The following TDRD9 variants were observed in gnomAD, a reference collection of about 807,000 sequenced individuals.
The protein encoded by TDRD9 is ATP-dependent RNA helicase TDRD9.
A neutral mutation model predicts 172.6 loss-of-function variants in TDRD9; 124 were observed. The observed-to-expected ratio is 0.72, with a 90% CI of 0.62 to 0.83. The LOEUF (loss-of-function observed/expected upper bound fraction) is 0.83. TDRD9 is among the 40% of genes least tolerant of loss of function. The pLI, the probability that TDRD9 is intolerant of heterozygous loss-of-function variation, is 0.00. For synonymous variants in TDRD9, 619 were observed against 617.1 expected (o/e 1.00, Z -0.05); for missense variants, 1,479 against 1,714.1 (o/e 0.86, Z 2.42).
At chr14:104,035,484 T>C (rs1412011675) in intron 32 of TDRD9, among the ~76,000 whole-genome samples, 2 of 152,156 alleles carry the variant, frequency 1.3e-5, no homozygotes, top group African/African-American at 4.8e-5. Flanking sequence ...GCCCAGCAGA[T>C]TGTAGCTCTT....
intron 12 of TDRD9, among the ~76,000 whole-genome samples, chr14:103,998,069 G>A (rs1010180109): frequency 1.3e-5 from 2 of 152,054 alleles, no homozygotes; most frequent in African/African-American, 4.8e-5. Flanking sequence ...GAAAGGTGTG[G>A]TGGAGGGGAG....
chr14:103,947,860 A>G (rs1189345334), intron 1 of TDRD9, among the ~76,000 whole-genome samples: 2 of 152,234 alleles, frequency 1.3e-5, no homozygotes, highest in African/African-American at 2.4e-5. Context: ...ACAAAAGAAG[A>G]AAGACAAATT....
intron 1 of TDRD9, among the ~76,000 whole-genome samples, chr14:103,952,238 T>A (rs1437508476): frequency 4.0e-4 from 26 of 65,536 alleles, no homozygotes; most frequent in South Asian, 1.1e-3. Context: ...TTTTTTTTTT[T>A]TTTTTTTTTT....
intron 11 of TDRD9, among the ~76,000 whole-genome samples, chr14:103,995,228 T>C (rs868597194): frequency 6.6e-6 from 1 of 152,234 alleles, no homozygotes; most frequent in African/African-American, 2.4e-5. Context: ...ATATTCTAGG[T>C]CCTGCTTCAG....
At chr14:104,049,919 TGTGAGTTGG>T in intron 35 of TDRD9, 1 of 485,414 alleles carries the variant, frequency 2.1e-6, no homozygotes. Context: ...ACTCACTGCC[TGTGAGTTGG>T]GAAAAAAAGG....
chr14:104,014,689 C>A, intron 20 of TDRD9, 36 bp from the exon 21 acceptor site: 1 of 1,218,362 alleles, frequency 8.2e-7, no homozygotes, highest in Non-Finnish European at 1.2e-6. Context: ...GACATATGTA[C>A]CTTTGAGACA....
intron 28 of TDRD9, among the ~76,000 whole-genome samples, chr14:104,027,404 G>A (rs185694318): frequency 1.6e-4 from 25 of 152,134 alleles, no homozygotes; most frequent in East Asian, 1.4e-3. Flanking sequence ...TATGTGGGGA[G>A]TTTTAAAAAT....
chr14:103,947,333 T>A (rs112399207), intron 1 of TDRD9, among the ~76,000 whole-genome samples: 3,503 of 151,914 alleles, frequency 0.023, 72 homozygotes, highest in East Asian at 0.07. Flanking sequence ...GTTTTTTTGT[T>A]TTTTTTTGTT....
intron 4 of TDRD9, among the ~76,000 whole-genome samples, chr14:103,965,985 T>A (rs1189874599): frequency 6.6e-6 from 1 of 151,918 alleles, no homozygotes; most frequent in Non-Finnish European, 1.5e-5. Flanking sequence ...AGAAACCAGC[T>A]GCTTATAGAA....
chr14:104,032,180 G>A, intron 30 of TDRD9, 93 bp downstream of exon 30: 5 of 738,646 alleles, frequency 6.8e-6, no homozygotes, highest in Non-Finnish European at 8.6e-6. Flanking sequence ...TATCTAAACT[G>A]TTGGAATGTG....
intron 6 of TDRD9, among the ~76,000 whole-genome samples, chr14:103,973,202 A>G (rs7151380): frequency 0.016 from 2,503 of 152,300 alleles, 72 homozygotes; most frequent in African/African-American, 0.057. Context: ...AGAAACTTAT[A>G]TGGTACATGT....
intron 5 of TDRD9, 28 bp from the exon 6 acceptor site, chr14:103,970,512 TG>T (rs1467295852): frequency 2.6e-6 from 4 of 1,530,044 alleles, no homozygotes; most frequent in Non-Finnish European, 3.5e-6. Context: ...TGATGCCATG[TG>T]GGGGGTGCCC....
chr14:103,983,653 G>A (rs1345957610), intron 7 of TDRD9, among the ~76,000 whole-genome samples: 1 of 152,358 alleles, frequency 6.6e-6, no homozygotes, highest in Non-Finnish European at 1.5e-5. Context: ...AAAGATGCTT[G>A]TGTAGTTGTG....
intron 1 of TDRD9, chr14:103,941,711 A>G: frequency 6.8e-7 from 1 of 1,477,648 alleles, no homozygotes; most frequent in Non-Finnish European, 9.0e-7. Flanking sequence ...GCCTATGGAA[A>G]TATTTTCACT....
intron 2 of TDRD9, among the ~76,000 whole-genome samples, chr14:103,960,525 T>C (rs541951714): frequency 6.6e-6 from 1 of 152,356 alleles, no homozygotes; most frequent in East Asian, 1.9e-4. Context: ...GTATGTAGTT[T>C]GTTGATTTGC....
chr14:104,049,924 G>GC (rs2035892913), intron 35 of TDRD9: 4 of 479,846 alleles, frequency 8.3e-6, no homozygotes, highest in Non-Finnish European at 1.5e-5. Context: ...CTGCCTGTGA[G>GC]TTGGGAAAAA....
At chr14:104,025,458 T>A in intron 25 of TDRD9, 106 bp from the exon 26 acceptor site, 1 of 782,986 alleles carries the variant, frequency 1.3e-6, no homozygotes, top group Admixed American at 2.6e-5. Context: ...TTAACGCTGG[T>A]GAGGTGTCGT....
At chr14:104,031,935 T>C in intron 29 of TDRD9, 82 bp from the exon 30 acceptor site, 2 of 916,628 alleles carry the variant, frequency 2.2e-6, no homozygotes, top group Middle Eastern at 2.4e-4. Flanking sequence ...CTTTAAAGAA[T>C]GAGCTGACTT....
chr14:103,995,213 A>G (rs1271062601), intron 11 of TDRD9, among the ~76,000 whole-genome samples: 1 of 152,182 alleles, frequency 6.6e-6, no homozygotes. Context: ...CTCTGGTTAG[A>G]AGCCATATTC....
Sources: allele counts gnomAD v4.1 joint callset (sites outside exome capture counted in the v4.1 genomes callset), GRCh38; gene constraint gnomAD v4.1.1; transcripts MANE v1.5; gene names NCBI Gene and HGNC (gene_info 2026-07-23, HGNC 2026-07-21).